Variants in NLRP2 observed in about 807,000 individuals in gnomAD.
The protein encoded by NLRP2 is NLR family pyrin domain containing 2.
NLRP2 carries 107 observed loss-of-function variants against 97.2 expected under a neutral mutation model. The ratio of observed to expected loss-of-function variants is 1.10; its 90% CI spans 0.94 to 1.29. NLRP2 has a LOEUF of 1.29. Ranked by LOEUF, NLRP2 falls within the 50% of genes most tolerant of loss-of-function variation. The pLI, the probability that NLRP2 is intolerant of heterozygous loss-of-function variation, is 0.00. For synonymous variants in NLRP2, 663 were observed against 551.5 expected (o/e 1.20, Z -2.83); for missense variants, 1,495 against 1,330.3 (o/e 1.12, Z -1.93).
Position 54,998,611 on chromosome 19 carries a change from CTTTTTTTTTTTTTTTTTTCCTTTTTTT to C in NLRP2, c.3050+1139_3050+1165del, listed in dbSNP as rs1464777240. ...CTTTTTTTTGGGGTGCATCTTTTTT[CTTTTTTTTTTTTTTTTTTCCTTTTTTT>C]TTTTTTTTTTTTTTATTGATCATTC... On this transcript the variant is annotated intron_variant, in intron 12 of 12. Coordinates refer to ENST00000448584, the MANE Select transcript of NLRP2 (RefSeq NM_017852.5). 9.5e-5 allele frequency among the ~76,000 whole-genome samples: 4 copies of C among 42,198 alleles called. 1 individual carries two copies. The highest frequency in any genetic ancestry group is 3.3e-4 in the African/African-American group (4 of 12,032). 27.7% of individuals were successfully genotyped at this position (42,198 alleles called of 152,430 possible).
At chr19:54,970,369 G>T in intron 2 of NLRP2, 74 bp downstream of exon 2, 1 of 1,571,392 alleles carries the variant, frequency 6.4e-7, no homozygotes, top group African/African-American at 1.3e-5. Flanking sequence ...AAATTCAGAA[G>T]GCCAGGCGCG....
At chr19:54,979,165 A>G (rs1270160290) in intron 4 of NLRP2, among the ~76,000 whole-genome samples, 1 of 151,396 alleles carries the variant, frequency 6.6e-6, no homozygotes, top group Non-Finnish European at 1.5e-5. Flanking sequence ...TTGTGTTTTT[A>G]GTACAGATGG....
At position 54,977,773 on chromosome 19, in the gene NLRP2, C is replaced by A. The variant is rs759959964; in HGVS notation, c.347C>A (p.Pro116Gln). 6.2e-7 allele frequency: 1 copy of A among 1,613,688 alleles called. No homozygotes were observed. Among genetic ancestry groups the A allele is most frequent in the African/African-American group, 1.3e-5 (1 of 74,888 alleles). The change falls in exon 4 of 13, where the codon CCA becomes CAA. Residue 116 changes from proline (P) to glutamine (Q), a missense_variant. Physicochemically the swap from Pro to Gln is moderately conservative, Grantham distance 76. Transcript: ENST00000448584. ...CCAGGGATAACACGGAAAGAACGAC[C>A]ACCTCTAGACGTGGACGAAATGCTG... The part of the protein sequence containing the change: ...LSLGITRKER[P>Q]PLDVDEMLER...
chr19:54,989,708 G>A (rs2072329274), intron 8 of NLRP2: 2 of 476,330 alleles, frequency 4.2e-6, no homozygotes, highest in Non-Finnish European at 3.8e-6. Context: ...GTTCTGCCGG[G>A]CGCGGTGGCT....
Position 55,001,033 on chromosome 19 carries a change from T to A in NLRP2, c.*135T>A. On this transcript the variant is annotated 3_prime_UTR_variant, in exon 13 of 13. Coordinates refer to ENST00000448584, the MANE Select transcript of NLRP2 (RefSeq NM_017852.5). ...ATTGCTGGGCTAGATGTTTTAGCCA[T>A]GATTCTGCCTCTGTTTTATACCTGC... 1 of 760,478 alleles carries A rather than the reference T, an allele frequency of 1.3e-6. No homozygotes were observed. The highest frequency in any genetic ancestry group is 2.3e-6 in the Non-Finnish European group (1 of 441,880). The allele number at this position is 760,478 out of a possible 1,614,324, so 47.1% of individuals were successfully genotyped here. A position where few individuals can be genotyped will look rare whatever the true frequency, so the allele number is the denominator to read the frequency against.
At chr19:55,000,639 GAAT>G (rs2073135288) in intron 12 of NLRP2, 118 bp from the exon 13 acceptor site, 1 of 954,170 alleles carries the variant, frequency 1.0e-6, no homozygotes, top group African/African-American at 1.7e-5. Context: ...TTGCCACCTA[GAAT>G]AATCAGGAAA....
Position 54,982,215 on chromosome 19 carries a change from A to G in NLRP2, c.517A>G (p.Lys173Glu). ...ILKTKFREMW[K>E]SWPGDSKEVQ... ...GAAGACGAAGTTCCGGGAGATGTGG[A>G]AGAGCTGGCCTGGAGATAGCAAAGA... The change falls in exon 6 of 13, where the codon AAG (lysine) becomes GAG (glutamate). Residue 173 changes from lysine to glutamate, a missense_variant. By Grantham distance (56) the Lys-to-Glu change is moderately conservative (BLOSUM62 1). Coordinates refer to ENST00000448584, the MANE Select transcript of NLRP2 (RefSeq NM_017852.5). The G allele has an allele frequency of 1.2e-6, 2 of 1,614,172 alleles. No homozygotes were observed. The highest frequency in any genetic ancestry group is 1.7e-6 in the Non-Finnish European group (2 of 1,180,040).
At chr19:54,997,559 C>T in intron 12 of NLRP2, 72 bp downstream of exon 12, 6 of 1,482,850 alleles carry the variant, frequency 4.0e-6, no homozygotes, top group South Asian at 1.1e-5. Flanking sequence ...ATGACATGGA[C>T]CTGCTGTAGG....
At chr19:55,000,360 TC>T (rs2073112686) in intron 12 of NLRP2, among the ~76,000 whole-genome samples, 1 of 124,504 alleles carries the variant, frequency 8.0e-6, no homozygotes, top group Non-Finnish European at 1.6e-5. Context: ...CACTGCAAGC[TC>T]CGCCTCCCGG....
chr19:54,982,516 T>A lies in NLRP2; in HGVS notation c.818T>A (p.Ile273Asn). ...FRDWPELQDD[I>N]PHILAQARKI... ...GACTGGCCTGAATTGCAGGATGACATTCCACACATCCTAGCCCAAGCACGG... is the reference window on the plus strand; with the variant it reads ...GACTGGCCTGAATTGCAGGATGACAATCCACACATCCTAGCCCAAGCACGG... Residue 273 changes from isoleucine to asparagine, a missense_variant, in exon 6 of 13, where the codon ATT becomes AAT. By Grantham distance (149) the Ile-to-Asn change is moderately radical. Coordinates refer to ENST00000448584, the MANE Select transcript of NLRP2 (RefSeq NM_017852.5). 6.2e-7 allele frequency: 1 copy of A among 1,614,164 alleles called. No individual in the cohort carries two copies. The highest frequency in any genetic ancestry group is 1.1e-5 in the South Asian group (1 of 91,082).
rs947919123 is a variant in NLRP2 at position 55,001,124 on chromosome 19, G to T, written c.*226G>T. ...CGGGTATATTGAGAGAAATAAAGGT[G>T]AGAGCATTCACAAATGAAGCTGTTA... is the stretch of plus-strand genomic sequence containing the variant. On this transcript the variant is annotated 3_prime_UTR_variant, in exon 13 of 13. Transcript: ENST00000448584. 3 of 506,272 alleles carry T rather than the reference G, an allele frequency of 5.9e-6. No homozygotes were observed. Among genetic ancestry groups the T allele is most frequent in the African/African-American group, 5.8e-5 (3 of 52,152 alleles). 31.4% of individuals were successfully genotyped at this position (506,272 alleles called of 1,614,324 possible). A position where few individuals can be genotyped will look rare whatever the true frequency, so the allele number is the denominator to read the frequency against.
chr19:54,999,856 C>T (rs1239065314), intron 12 of NLRP2, among the ~76,000 whole-genome samples: 2 of 152,044 alleles, frequency 1.3e-5, no homozygotes, highest in Admixed American at 6.6e-5. Context: ...CCTGTGTCAG[C>T]TTCCTGAGTA....
intron 4 of NLRP2, among the ~76,000 whole-genome samples, chr19:54,981,343 A>AT (rs2071556779): frequency 6.6e-6 from 1 of 151,516 alleles, no homozygotes; most frequent in Admixed American, 6.6e-5. Context: ...TAATTTTTGC[A>AT]TTTTTAGTAG....
chr19:54,984,329 G>GTGTGTTTTTGTTTTTTTTTTTT, intron 6 of NLRP2, among the ~76,000 whole-genome samples: 1 of 79,670 alleles, frequency 1.3e-5, no homozygotes, highest in Non-Finnish European at 2.5e-5. Context: ...TTTTTTTTGT[G>GTGTGTTTTTGTTTTTTTTTTTT]TTTTTTTTTT....
rs774031254 is a variant in NLRP2 at position 55,000,719 on chromosome 19, T to C, written c.3051-41T>C. On this transcript the variant is annotated intron_variant, in intron 12 of 12. Coordinates refer to ENST00000448584, the MANE Select transcript of NLRP2 (RefSeq NM_017852.5). The stretch of plus-strand genomic sequence containing the variant: ...CTTGGGAATTTGAAACAAATCTCCT[T>C]GATGCACAAAGTAACCTTTTCTTCC... The C allele has an allele frequency of 2.5e-6, 4 of 1,608,970 alleles. No individual in the cohort carries two copies. In the East Asian group the frequency reaches 8.9e-5, roughly 36 times the overall value.
In NLRP2 at chr19:54,985,212, A is replaced by G. The variant is rs1006700655; in HGVS notation, c.2196A>G (p.Arg732=). The G allele has an allele frequency of 1.9e-6, 3 of 1,613,822 alleles. No individual in the cohort carries two copies. Among genetic ancestry groups the G allele is most frequent in the Non-Finnish European group, 2.5e-6 (3 of 1,179,862 alleles). The part of the protein sequence containing the change: ...QIASDTCHLQ[R]VVFKNISPAD... ...CCTCTGACACCTGTCATCTCCAGAG[A>G]GTGGTGTAAGTAGAAACTAATTCAT... The change falls in exon 7 of 13, where the codon AGA becomes AGG. Residue 732 remains arginine, a synonymous_variant. Transcript: ENST00000448584.
At position 54,982,420 on chromosome 19, in the gene NLRP2, A is replaced by G. The variant is rs1201767704; in HGVS notation, c.722A>G (p.Tyr241Cys). ...GACAACCTCATCCACAAATTCAAAT[A>G]TGCGTTCTACCTCAGCTGCAGGGAG... The part of the protein sequence containing the change: ...AEDNLIHKFK[Y>C]AFYLSCRELS... The change falls in exon 6 of 13, where the codon TAT becomes TGT. Residue 241 changes from tyrosine (Y) to cysteine (C), a missense_variant. By Grantham distance (194) the Tyr-to-Cys change is radical (BLOSUM62 -2). Transcript: ENST00000448584. 3 of 1,613,970 alleles carry G rather than the reference A, an allele frequency of 1.9e-6. No individual in the cohort carries two copies. Among genetic ancestry groups the G allele is most frequent in the African/African-American group, 2.7e-5 (2 of 74,894 alleles).
intron 7 of NLRP2, among the ~76,000 whole-genome samples, chr19:54,985,573 G>A (rs2072002110): frequency 6.6e-6 from 1 of 150,790 alleles, no homozygotes; most frequent in African/African-American, 2.5e-5. Context: ...AGCTACTTGG[G>A]AGGCTGAGGC....
At chr19:54,988,354 A>G (rs900549277) in intron 8 of NLRP2, among the ~76,000 whole-genome samples, 1 of 152,020 alleles carries the variant, frequency 6.6e-6, no homozygotes, top group African/African-American at 2.4e-5. Context: ...GTGCAGTGCC[A>G]CAATCTTGGT....
Sources: allele counts gnomAD v4.1 joint callset (sites outside exome capture counted in the v4.1 genomes callset), GRCh38; gene constraint gnomAD v4.1.1; transcripts MANE v1.5; gene names NCBI Gene and HGNC (gene_info 2026-07-23, HGNC 2026-07-21).